Variants in ANO1 observed in about 807,000 individuals in gnomAD.
ANO1 encodes anoctamin-1.
In ANO1, 59 loss-of-function variants were observed where a neutral mutation model predicts 124.0. That is an observed-to-expected ratio of 0.48 (90% CI 0.39 to 0.59). The LOEUF is 0.59. ANO1 is among the 20% of genes least tolerant of loss of function. ANO1 has a pLI of 0.00. For missense variants in ANO1, 1,059 were observed against 1,328.0 expected, an observed-to-expected ratio of 0.80 and a Z score of 3.15; for synonymous variants, 529 against 532.0, an observed-to-expected ratio of 0.99 and a Z score of 0.08.
At chr11:70,156,039 CAA>C in intron 15 of ANO1, 51 bp downstream of exon 15, 24 of 1,413,848 alleles carry the variant, frequency 1.7e-5, no homozygotes, top group Non-Finnish European at 2.2e-5. Context: ...TGCAGGCAAT[CAA>C]AGTCGATTGT....
chr11:70,095,315 A>AG (rs2044843209), intron 2 of ANO1, among the ~76,000 whole-genome samples: 2 of 80,078 alleles, frequency 2.5e-5, no homozygotes, highest in African/African-American at 4.0e-5. Context: ...AAAGAAAGAA[A>AG]GAAAGGAAAG....
chr11:70,105,449 TG>T (rs2045481420), intron 4 of ANO1, among the ~76,000 whole-genome samples: 1 of 97,928 alleles, frequency 1.0e-5, no homozygotes, highest in Non-Finnish European at 2.2e-5. Context: ...AGGGATCTTC[TG>T]GGGGGCTGTG....
At chr11:70,166,190 C>T (rs959184182) in intron 20 of ANO1, among the ~76,000 whole-genome samples, 5 of 148,476 alleles carry the variant, frequency 3.4e-5, no homozygotes, top group East Asian at 2.0e-4. Context: ...TGGTGGCGGG[C>T]GCCTGTAGTC....
At chr11:70,086,356 A>G (rs2044383205) in intron 1 of ANO1, among the ~76,000 whole-genome samples, 1 of 152,196 alleles carries the variant, frequency 6.6e-6, no homozygotes, top group South Asian at 2.1e-4. Flanking sequence ...GTCCCATCAC[A>G]CTGCCACTGT....
chr11:70,125,792 C>T (rs1266181343), intron 9 of ANO1, among the ~76,000 whole-genome samples: 17 of 149,820 alleles, frequency 1.1e-4, no homozygotes, highest in Non-Finnish European at 2.1e-4. Context: ...TGCAGTGAGC[C>T]GAGATAGCGC....
chr11:70,124,513 G>T (rs929410629), intron 9 of ANO1, 99 bp downstream of exon 9: 244 of 1,286,182 alleles, frequency 1.9e-4, no homozygotes, highest in Non-Finnish European at 2.5e-4. Context: ...TTCAGTACCC[G>T]GGAACGTGTT....
chr11:69,987,695 C>A (rs193023551), intron 1 of ANO1, among the ~76,000 whole-genome samples: 2 of 151,986 alleles, frequency 1.3e-5, no homozygotes, highest in African/African-American at 4.8e-5. Context: ...CTCCCTTTCC[C>A]CACCCCAGGC....
rs547149572 is a variant in ANO1 at position 70,085,457 on chromosome 11, G to C, written c.109-2295G>C. 2.0e-6 allele frequency: 3 copies of C among 1,535,422 alleles called. No individual in the cohort carries two copies. In the African/African-American group the frequency reaches 4.1e-5, roughly 21 times the overall value. On this transcript the variant is annotated intron_variant, in intron 1 of 25. Coordinates refer to ENST00000355303, the MANE Select transcript of ANO1 (RefSeq NM_018043.7). ...TCCTCCTGAAGGTCACCAGCACAGCGGGGCCCTGTGTTACTGTAGAGAGAA... is the reference window on the plus strand; with the variant it reads ...TCCTCCTGAAGGTCACCAGCACAGCCGGGCCCTGTGTTACTGTAGAGAGAA...
At chr11:70,010,875 C>G (rs1565159906) in intron 1 of ANO1, among the ~76,000 whole-genome samples, 1 of 152,228 alleles carries the variant, frequency 6.6e-6, no homozygotes. Flanking sequence ...TCTCTGTTGT[C>G]CATAAGACTT....
the ANO1 span, among the ~76,000 whole-genome samples, chr11:69,966,147 C>G: frequency 6.6e-6 from 1 of 152,342 alleles, no homozygotes; most frequent in East Asian, 1.9e-4. Context: ...GAAGTCGCTG[C>G]TCAGGGGGTT....
At chr11:70,043,861 T>C (rs1482882713) in intron 1 of ANO1, among the ~76,000 whole-genome samples, 1 of 152,078 alleles carries the variant, frequency 6.6e-6, no homozygotes, top group African/African-American at 2.4e-5. Context: ...ACAGATGAAA[T>C]TGGGATATAC....
At chr11:70,107,907 C>T (rs111705455) in intron 5 of ANO1, among the ~76,000 whole-genome samples, 12 of 152,364 alleles carry the variant, frequency 7.9e-5, no homozygotes, top group African/African-American at 2.4e-4. Flanking sequence ...ACCACCACCA[C>T]CCCTGATCCC....
chr11:70,094,106 C>T (rs753435453), intron 2 of ANO1, among the ~76,000 whole-genome samples: 12 of 152,212 alleles, frequency 7.9e-5, no homozygotes, highest in Non-Finnish European at 1.5e-4. Flanking sequence ...TGGCTGTAAA[C>T]GCCCCTTACC....
chr11:70,118,289 A>G (rs2046077322), intron 8 of ANO1, among the ~76,000 whole-genome samples: 1 of 151,830 alleles, frequency 6.6e-6, no homozygotes, highest in East Asian at 1.9e-4. Flanking sequence ...TGCCAGGACT[A>G]GCTCATTCAG....
chr11:70,108,253 C>G (rs76740530), intron 5 of ANO1, 100 bp from the exon 6 acceptor site: 16 of 1,194,360 alleles, frequency 1.3e-5, no homozygotes, highest in Non-Finnish European at 1.7e-5. Flanking sequence ...GGTCTTCATG[C>G]GTAACGTGTG....
intron 10 of ANO1, among the ~76,000 whole-genome samples, chr11:70,128,427 G>A (rs896889017): frequency 6.6e-6 from 1 of 152,216 alleles, no homozygotes; most frequent in Non-Finnish European, 1.5e-5. Context: ...AGGAAGCCTG[G>A]GGGACCTCCA....
At chr11:69,971,457 A>G in the ANO1 span, among the ~76,000 whole-genome samples, 1 of 152,166 alleles carries the variant, frequency 6.6e-6, no homozygotes, top group Non-Finnish European at 1.5e-5. Context: ...TAACAGGTTG[A>G]ATTTGTATAG....
At chr11:70,127,983 CCTGCCAAGTAT>C (rs1331100944) in intron 10 of ANO1, among the ~76,000 whole-genome samples, 5 of 152,222 alleles carry the variant, frequency 3.3e-5, no homozygotes, top group Non-Finnish European at 7.3e-5. Context: ...TCGAACCACT[CCTGCCAAGTAT>C]CTCTAAAGCA....
chr11:69,977,011 T>G, the ANO1 span, among the ~76,000 whole-genome samples: 3 of 152,168 alleles, frequency 2.0e-5, no homozygotes, highest in East Asian at 5.8e-4. Flanking sequence ...TCGCAGTGAG[T>G]GATGAGGCCA....
Sources: allele counts gnomAD v4.1 joint callset (sites outside exome capture counted in the v4.1 genomes callset), GRCh38; gene constraint gnomAD v4.1.1; transcripts MANE v1.5; gene names NCBI Gene and HGNC (gene_info 2026-07-23, HGNC 2026-07-21).